Variants in GLE1 observed in about 807,000 individuals in gnomAD.
GLE1 encodes the protein mRNA export factor GLE1.
Under a neutral mutation model 97.3 loss-of-function variants are expected in GLE1, and 78 were observed. That is an observed-to-expected ratio of 0.80 (90% CI 0.67 to 0.97). GLE1 has a LOEUF of 0.97. GLE1 is among the 50% of genes least tolerant of loss of function. The probability of loss-of-function intolerance (pLI) is 0.00; values close to 1 mark genes in which losing one functional copy is unlikely to be tolerated. For synonymous variants in GLE1, 302 were observed against 313.4 expected (o/e 0.96, Z 0.39); for missense variants, 753 against 857.5 (o/e 0.88, Z 1.52).
chr9:128,517,490 CATT>C (rs1402066459), intron 3 of GLE1, among the ~76,000 whole-genome samples: 5 of 152,102 alleles, frequency 3.3e-5, no homozygotes, highest in Non-Finnish European at 7.3e-5. Context: ...ATATTTGGAA[CATT>C]GTTGTAATCT....
intron 6 of GLE1, among the ~76,000 whole-genome samples, chr9:128,524,349 A>G (rs1370440188): frequency 6.6e-6 from 1 of 150,604 alleles, no homozygotes. Context: ...CAAACTGCTG[A>G]GATTACAGGT....
intron 12 of GLE1, among the ~76,000 whole-genome samples, chr9:128,537,768 C>CT (rs1235040871): frequency 1.3e-5 from 2 of 152,166 alleles, no homozygotes; most frequent in Admixed American, 6.5e-5. Flanking sequence ...CATGATCGCA[C>CT]TATAGCACTC....
intron 9 of GLE1, among the ~76,000 whole-genome samples, chr9:128,530,092 G>A (rs1417057652): frequency 6.6e-6 from 1 of 152,052 alleles, no homozygotes; most frequent in East Asian, 1.9e-4. Flanking sequence ...CACTGTGCCC[G>A]GCTGGGATCT....
intron 15 of GLE1, 159 bp from the exon 16 acceptor site, chr9:128,540,943 C>A: frequency 1.5e-6 from 1 of 647,956 alleles, no homozygotes; most frequent in South Asian, 1.7e-5. Flanking sequence ...CAGAAGTGGA[C>A]ATCTTATACA....
intron 3 of GLE1, among the ~76,000 whole-genome samples, chr9:128,519,260 T>G (rs1847070773): frequency 6.6e-6 from 1 of 152,200 alleles, no homozygotes. Flanking sequence ...ATAACAGCAA[T>G]GTTTAGGAAA....
chr9:128,522,633 C>T, intron 3 of GLE1, 35 bp from the exon 4 acceptor site: 1 of 1,175,908 alleles, frequency 8.5e-7, no homozygotes. Flanking sequence ...GAGATTCCAT[C>T]TTAAAAAAAA....
chr9:128,510,050 C>T (rs1846759541), intron 2 of GLE1, among the ~76,000 whole-genome samples: 1 of 151,844 alleles, frequency 6.6e-6, no homozygotes, highest in South Asian at 2.1e-4. Context: ...GTGAACATGT[C>T]TTCTTCTTCA....
chr9:128,532,142 A>ATTCC (rs1847532667), intron 9 of GLE1, among the ~76,000 whole-genome samples: 1 of 148,314 alleles, frequency 6.7e-6, no homozygotes, highest in Non-Finnish European at 1.5e-5. Flanking sequence ...TCAACTGGAG[A>ATTCC]TGCTGTATTA....
intron 9 of GLE1, among the ~76,000 whole-genome samples, chr9:128,528,377 C>T (rs1291775606): frequency 1.3e-5 from 2 of 149,634 alleles, no homozygotes; most frequent in African/African-American, 4.9e-5. Flanking sequence ...AATCTCGGCT[C>T]ACTGCAAGCT....
chr9:128,538,083 TC>T lies in GLE1; in HGVS notation c.1876del (p.Leu626TrpfsTer9). 6.4e-7 allele frequency: 1 copy of T among 1,572,694 alleles called. No individual in the cohort carries two copies. Among genetic ancestry groups the T allele is most frequent in the Non-Finnish European group, 8.8e-7 (1 of 1,142,434 alleles). On this transcript the variant is annotated frameshift_variant, in exon 13 of 16. Coordinates refer to ENST00000309971, the MANE Select transcript of GLE1 (RefSeq NM_001003722.2). LOFTEE classifies it high-confidence loss of function. The stretch of plus-strand genomic sequence containing the variant: ...GTGACAGCCACCCTCCTCTTTGACT[TC>T]CTGGAGGTACGTAACTCAGTTATCA... ...SDVTATLLFD[F>X]LEVCGNALMK...
At chr9:128,513,272 A>G (rs190684502) in intron 2 of GLE1, among the ~76,000 whole-genome samples, 268 of 152,070 alleles carry the variant, frequency 1.8e-3, no homozygotes, top group Non-Finnish European at 3.2e-3. Context: ...TAGTGTCCCA[A>G]ACATGGGGCT....
At position 128,537,894 on chromosome 9, in the gene GLE1, C is replaced by T. The variant is rs1328353407; in HGVS notation, c.1777-92C>T. 1.6e-5 allele frequency: 12 copies of T among 760,948 alleles called. No homozygotes were observed. In the South Asian group the frequency reaches 1.7e-4, roughly 11 times the overall value. The allele number at this position is 760,948 out of a possible 1,614,324, so 47.1% of individuals were successfully genotyped here. ...TGCTAGGGCTGGATGATCTGGGGTT[C>T]ATTTCCACTTGGTAATGGCTGGATG... On this transcript the variant is annotated intron_variant, in intron 12 of 15. Coordinates refer to ENST00000309971, the MANE Select transcript of GLE1 (RefSeq NM_001003722.2).
chr9:128,523,065 A>C (rs926864519), intron 4 of GLE1, among the ~76,000 whole-genome samples: 4 of 152,068 alleles, frequency 2.6e-5, no homozygotes, highest in Admixed American at 6.6e-5. Context: ...TGTAGTCTCA[A>C]TTACTAGAGA....
chr9:128,508,873 T>C lies in GLE1; in HGVS notation c.100-3T>C, dbSNP rs1221946880. 2 of 1,540,172 alleles carry C rather than the reference T, an allele frequency of 1.3e-6. No individual in the cohort carries two copies. The highest frequency in any genetic ancestry group is 1.1e-5 in the South Asian group (1 of 89,608). On this transcript the variant is annotated splice_polypyrimidine_tract_variant and splice_region_variant and intron_variant, in intron 1 of 15. Transcript: ENST00000309971. Reference sequence around the variant, plus strand: ...TTGAGCTTAACCCTATTCTTTTCTCTAGGATGTTTTAGAAGAATGTATGTC... The same window carrying C: ...TTGAGCTTAACCCTATTCTTTTCTCCAGGATGTTTTAGAAGAATGTATGTC...
At chr9:128,512,243 A>G (rs1380908668) in intron 2 of GLE1, among the ~76,000 whole-genome samples, 3 of 152,188 alleles carry the variant, frequency 2.0e-5, no homozygotes, top group Non-Finnish European at 4.4e-5. Context: ...GTTGGTGGTG[A>G]TAGAACAGCT....
In GLE1 at chr9:128,540,323, C is replaced by A; in HGVS notation, c.2013C>A (p.Leu671=). The A allele has an allele frequency of 6.2e-7, 1 of 1,608,344 alleles. No individual in the cohort carries two copies. The highest frequency in any genetic ancestry group is 1.1e-5 in the South Asian group (1 of 90,952). Residue 671 remains leucine, a synonymous_variant, in exon 15 of 16, where the codon CTC becomes CTA. Coordinates refer to ENST00000309971, the MANE Select transcript of GLE1 (RefSeq NM_001003722.2). ...SSGQMGSFIR[L]KQFLEKCLQH... Reference sequence around the variant, plus strand: ...GACAGATGGGCTCCTTCATACGCCTCAAGCAGTTCTTGGAGGTAAGATGCC... The same window carrying A: ...GACAGATGGGCTCCTTCATACGCCTAAAGCAGTTCTTGGAGGTAAGATGCC...
chr9:128,510,830 GTTT>G (rs370393212), intron 2 of GLE1, among the ~76,000 whole-genome samples: 1 of 127,472 alleles, frequency 7.8e-6, no homozygotes, highest in South Asian at 2.5e-4. Context: ...TGCCTGGCCA[GTTT>G]TTTTTTTTTT....
intron 7 of GLE1, among the ~76,000 whole-genome samples, chr9:128,526,667 T>G (rs1847308687): frequency 6.6e-6 from 1 of 151,810 alleles, no homozygotes; most frequent in Non-Finnish European, 1.5e-5. Flanking sequence ...CGTTTTTTGT[T>G]TTTTGTTTTT....
chr9:128,527,553 C>T, intron 9 of GLE1, 28 bp downstream of exon 9: 1 of 1,336,822 alleles, frequency 7.5e-7, no homozygotes, highest in Non-Finnish European at 1.1e-6. Context: ...AGAACATGAC[C>T]TTTCATTTCA....
Sources: gnomAD v4.1 joint callset for allele counts (sites outside exome capture counted in the v4.1 genomes callset) on GRCh38, gnomAD v4.1.1 for gene constraint, MANE v1.5 for transcripts, NCBI Gene and HGNC (gene_info 2026-07-23, HGNC 2026-07-21) for gene names.